The following ATL3 variants were observed in gnomAD, a reference collection of about 807,000 sequenced individuals.
The protein encoded by ATL3 is atlastin-3.
A neutral mutation model predicts 69.5 loss-of-function variants in ATL3; 49 were observed. The observed-to-expected ratio is 0.71, with a 90% CI of 0.56 to 0.89. The LOEUF is 0.89. Among genes scored for constraint, ATL3 ranks in the 40% least tolerant of loss-of-function variants. The probability of loss-of-function intolerance (pLI) is 0.00; values close to 1 mark genes in which losing one functional copy is unlikely to be tolerated. For synonymous variants in ATL3, 214 were observed against 224.1 expected (o/e 0.95, Z 0.40); for missense variants, 606 against 645.7 (o/e 0.94, Z 0.67).
intron 8 of ATL3, 112 bp from the exon 9 acceptor site, chr11:63,636,446 AGT>A: frequency 2.8e-6 from 4 of 1,450,390 alleles, no homozygotes; most frequent in Non-Finnish European, 3.8e-6. Context: ...GGTTGTTAAA[AGT>A]GAGAGAGAAG....
At chr11:63,629,427 A>G (rs745528030) in intron 12 of ATL3, 22 bp from the exon 13 acceptor site, 5 of 1,595,410 alleles carry the variant, frequency 3.1e-6, no homozygotes, top group Non-Finnish European at 4.3e-6. Context: ...CATTTATTCA[A>G]CATATAAGTT....
At chr11:63,662,280 A>G (rs1940446080) in intron 1 of ATL3, among the ~76,000 whole-genome samples, 2 of 152,044 alleles carry the variant, frequency 1.3e-5, no homozygotes, top group Admixed American at 6.6e-5. Context: ...ACTTATGGGA[A>G]GTTCACAAAA....
At chr11:63,644,368 G>A in intron 6 of ATL3, 107 bp from the exon 7 acceptor site, 2 of 529,910 alleles carry the variant, frequency 3.8e-6, no homozygotes, top group Non-Finnish European at 3.3e-6. Context: ...AGGGGGTAAA[G>A]TAGAAGGATT....
chr11:63,629,507 T>C (rs1404117127), intron 12 of ATL3, 102 bp from the exon 13 acceptor site: 18 of 986,108 alleles, frequency 1.8e-5, no homozygotes, highest in Non-Finnish European at 2.8e-5. Flanking sequence ...ATCATCGGCA[T>C]GTTACAGAAA....
chr11:63,635,736 T>A, intron 9 of ATL3, 146 bp from the exon 10 acceptor site: 1 of 630,506 alleles, frequency 1.6e-6, no homozygotes, highest in Non-Finnish European at 2.8e-6. Context: ...ACCACACACC[T>A]TTGAGTGCAT....
At chr11:63,632,911 A>G (rs1374968086) in intron 11 of ATL3, 115 bp downstream of exon 11, 2 of 948,572 alleles carry the variant, frequency 2.1e-6, no homozygotes, top group Non-Finnish European at 3.3e-6. Context: ...ACCTGAATAT[A>G]AGTTTATTGC....
chr11:63,641,078 C>A (rs1411108714), intron 8 of ATL3, among the ~76,000 whole-genome samples: 1 of 152,118 alleles, frequency 6.6e-6, no homozygotes, highest in Non-Finnish European at 1.5e-5. Flanking sequence ...TGATGCTGCA[C>A]ATATTTTCAT....
In ATL3 at chr11:63,652,481, C is replaced by T. The variant is rs1940107790; in HGVS notation, c.500G>A (p.Ser167Asn). The T allele has an allele frequency of 6.3e-7, 1 of 1,597,424 alleles. No individual in the cohort carries two copies. The highest frequency in any genetic ancestry group is 1.7e-5 in the Admixed American group (1 of 58,670). Residue 167 changes from serine to asparagine, a missense_variant, in exon 4 of 13, where the codon AGT becomes AAT. Coordinates refer to ENST00000398868, the MANE Select transcript of ATL3 (RefSeq NM_015459.5). ...TCAAGTGGTTTTTACCTGAACAGAA[C>T]TAGTCATAGTGCTTAGAGCAAAGAT... ...ATIFALSTMTSSVQIYNLSQN... is the reference protein window; with the variant it reads ...ATIFALSTMTNSVQIYNLSQN...
chr11:63,645,540 CAGAGAGAG>C (rs113638692), intron 6 of ATL3, among the ~76,000 whole-genome samples: 37 of 150,454 alleles, frequency 2.5e-4, no homozygotes, highest in East Asian at 2.1e-3. Context: ...AGACTTTTTG[CAGAGAGAG>C]AGAGAGAGAG....
chr11:63,631,414 C>T lies in ATL3; in HGVS notation c.1165G>A (p.Glu389Lys), dbSNP rs200622841. The change falls in exon 12 of 13, where the codon GAA (glutamate) becomes AAA (lysine). Residue 389 changes from glutamate to lysine, a missense_variant. Physicochemically the swap from Glu to Lys is moderately conservative, Grantham distance 56. Transcript: ENST00000398868. ...TGGTCCAGAGCAAGTTGTTTGAATT[C>T]ACAGTGCTTCTCCTCTAGAATGTCT... ...SPDILEEKHC[E>K]FKQLALDHFK... The T allele has an allele frequency of 4.1e-5, 66 of 1,614,164 alleles. No homozygotes were observed. In the African/African-American group the frequency reaches 7.9e-4, roughly 19 times the overall value.
chr11:63,631,461 C>G lies in ATL3; in HGVS notation c.1118G>C (p.Gly373Ala), dbSNP rs1939316478. Residue 373 changes from glycine to alanine, a missense_variant, in exon 12 of 13, where the codon GGA becomes GCA. Transcript: ENST00000398868. ...YYNNMEEVCG[G>A]EKPYLSPDIL... ...GTCTGGAGACAAATAAGGTTTCTCTCCCCCACAAACCTAAAAAGAACAAAG... is the reference window on the plus strand; with the variant it reads ...GTCTGGAGACAAATAAGGTTTCTCTGCCCCACAAACCTAAAAAGAACAAAG... 6.3e-7 allele frequency: 1 copy of G among 1,595,034 alleles called. No individual in the cohort carries two copies. Among genetic ancestry groups the G allele is most frequent in the South Asian group, 1.1e-5 (1 of 88,122 alleles).
rs542382594 is a variant in ATL3 at position 63,642,582 on chromosome 11, G to A, written c.850+775C>T. Among the ~76,000 whole-genome samples the A allele has an allele frequency of 1.6e-4, 24 of 152,224 alleles. No individual in the cohort carries two copies. The South Asian group carries it at 1.7e-3, about 11-fold the overall frequency. On this transcript the variant is annotated intron_variant, in intron 8 of 12. Transcript: ENST00000398868. ...AACAAGAACTTGGATGTAGATCTAC[G>A]CCTCACCACTTACTTAACTAGCTGA... is the stretch of plus-strand genomic sequence containing the variant.
rs145080280 is a variant in ATL3, at chr11:63,670,885, G to A, written c.46+405C>T. On this transcript the variant is annotated intron_variant, in intron 1 of 12. Transcript: ENST00000398868. ...GAGAGGGCGCTGAGTGCCCGGGCAC[G>A]GAGGGGCAGCGCCCTGGGGCGCCCG... is the stretch of plus-strand genomic sequence containing the variant. Among the ~76,000 whole-genome samples the A allele has an allele frequency of 6.3e-3, 963 of 152,256 alleles. 7 individuals are homozygous for A. Among genetic ancestry groups the A allele is most frequent in the African/African-American group, 0.022 (897 of 41,566 alleles).
chr11:63,660,424 C>T lies in ATL3; in HGVS notation c.47-1172G>A, dbSNP rs189927765. On this transcript the variant is annotated intron_variant, in intron 1 of 12. Coordinates refer to ENST00000398868, the MANE Select transcript of ATL3 (RefSeq NM_015459.5). Reference sequence around the variant, plus strand: ...AAAATTTAAAGACTGACAATATCAACTGTGGGACAGGGTATGAAGCAACCG... The same window carrying T: ...AAAATTTAAAGACTGACAATATCAATTGTGGGACAGGGTATGAAGCAACCG... Among the ~76,000 whole-genome samples, 8 of 152,302 alleles carry T rather than the reference C, an allele frequency of 5.3e-5. No homozygotes were observed. The South Asian group carries it at 1.0e-3, about 20-fold the overall frequency.
At chr11:63,671,585 C>G (rs1396125488), upstream of ATL3, 12 of 1,427,964 alleles carry the variant, frequency 8.4e-6, no homozygotes, top group Non-Finnish European at 1.0e-5. Flanking sequence ...GCGCACGCGG[C>G]AGAATCCCGC....
intron 3 of ATL3, among the ~76,000 whole-genome samples, chr11:63,655,100 G>C (rs528553255): frequency 2.4e-4 from 37 of 152,186 alleles, no homozygotes; most frequent in African/African-American, 8.9e-4. Flanking sequence ...GCTTTATTCT[G>C]AGATGTAGTT....
chr11:63,664,646 G>A (rs1434117322), intron 1 of ATL3, among the ~76,000 whole-genome samples: 2 of 148,026 alleles, frequency 1.4e-5, no homozygotes, highest in Non-Finnish European at 3.0e-5. Context: ...TTTTTGAGAC[G>A]GAGTCTCGCT....
chr11:63,667,143 T>C (rs1940594418), intron 1 of ATL3, among the ~76,000 whole-genome samples: 1 of 152,168 alleles, frequency 6.6e-6, no homozygotes. Flanking sequence ...AGTAGCCTTC[T>C]CACTGATCAA....
chr11:63,670,888 G>A (rs1042426904), intron 1 of ATL3, among the ~76,000 whole-genome samples: 1 of 152,206 alleles, frequency 6.6e-6, no homozygotes, highest in Non-Finnish European at 1.5e-5. Context: ...CGGGCACGGA[G>A]GGGCAGCGCC....
Sources: gnomAD v4.1 joint callset for allele counts (sites outside exome capture counted in the v4.1 genomes callset) on GRCh38, gnomAD v4.1.1 for gene constraint, MANE v1.5 for transcripts, NCBI Gene and HGNC (gene_info 2026-07-23, HGNC 2026-07-21) for gene names.